NEUROG2: variants seen among roughly 807,000 people sequenced by gnomAD.
The protein encoded by NEUROG2 is neurogenin-2.
NEUROG2 carries 1 observed loss-of-function variant against 2.8 expected under a neutral mutation model. The observed-to-expected ratio is 0.36, with a 90% confidence interval of 0.13 to 1.71. The LOEUF (loss-of-function observed/expected upper bound fraction) is 1.71. Among genes scored for constraint, NEUROG2 ranks in the 40% most tolerant of loss-of-function variants. The pLI, the probability that NEUROG2 is intolerant of heterozygous loss-of-function variation, is 0.34. For missense variants in NEUROG2, 397 were observed against 392.7 expected (o/e 1.01, Z -0.09); for synonymous variants, 211 against 187.7 (o/e 1.12, Z -1.01).
At position 112,513,588 on chromosome 4, in the gene NEUROG2, A is replaced by T. The variant is rs964744025; in HGVS notation, c.*1069T>A. 1 of 152,680 alleles carries T rather than the reference A, an allele frequency of 6.5e-6. No homozygotes were observed. Among genetic ancestry groups the T allele is most frequent in the Non-Finnish European group, 1.5e-5 (1 of 68,054 alleles). The allele number at this position is 152,680 out of a possible 1,614,324, so 9.5% of individuals were successfully genotyped here. A position where few individuals can be genotyped will look rare whatever the true frequency, so the allele number is the denominator to read the frequency against. ...TTCTTGTTCTTCAAGATGTAAATAC[A>T]TACTAGAATAAACTCTGTAGAATAT... On this transcript the variant is annotated 3_prime_UTR_variant, in exon 2 of 2. Transcript: ENST00000313341.
Position 112,514,453 on chromosome 4 carries a change from T to G in NEUROG2, c.*204A>C. 2.3e-6 allele frequency: 1 copy of G among 434,878 alleles called. No homozygotes were observed. The highest frequency in any genetic ancestry group is 4.3e-5 in the Admixed American group (1 of 23,488). The allele number at this position is 434,878 out of a possible 1,614,324, so 26.9% of individuals were successfully genotyped here. Reference sequence around the variant, plus strand: ...ACAATAAGCTCCATCACACCTTCAGTAAATCAGAGCCCGTCTGAATGAAGG... The same window carrying G: ...ACAATAAGCTCCATCACACCTTCAGGAAATCAGAGCCCGTCTGAATGAAGG... On this transcript the variant is annotated 3_prime_UTR_variant, in exon 2 of 2. Transcript: ENST00000313341.
Position 112,515,416 on chromosome 4 carries a change from G to C in NEUROG2, c.60C>G (p.Leu20=), listed in dbSNP as rs773678581. ...LKEEEDVLVL[L]GSASPALAAL... ...CCGCCAAGGCGGGGGAGGCCGATCCGAGCAGCACTAACACGTCCTCTTCCT... is the reference window on the plus strand; with the variant it reads ...CCGCCAAGGCGGGGGAGGCCGATCCCAGCAGCACTAACACGTCCTCTTCCT... The change falls in exon 2 of 2, where the codon CTC becomes CTG. Residue 20 remains leucine (L), a synonymous_variant. Coordinates refer to ENST00000313341, the MANE Select transcript of NEUROG2 (RefSeq NM_024019.4). The C allele has an allele frequency of 3.9e-6, 6 of 1,528,874 alleles. No individual in the cohort carries two copies. Among genetic ancestry groups the C allele is most frequent in the Middle Eastern group, 3.4e-4 (2 of 5,910 alleles). The allele number at this position is 1,528,874 out of a possible 1,614,324, so 94.7% of individuals were successfully genotyped here.
Position 112,515,312 on chromosome 4 carries a change from C to T in NEUROG2, c.164G>A (p.Arg55His), listed in dbSNP as rs761262256. The change falls in exon 2 of 2, where the codon CGC becomes CAC. Residue 55 changes from arginine (R) to histidine (H), a missense_variant. Coordinates refer to ENST00000313341, the MANE Select transcript of NEUROG2 (RefSeq NM_024019.4). ...PGASGGARRQ[R>H]GAEAGQGARG... is the part of the protein sequence containing the mutation. ...CGCCCCCTGCCCGGCCTCAGCCCCG[C>T]GCTGCCGACGCGCCCCGCCTGACGC... 6 of 1,408,626 alleles carry T rather than the reference C, an allele frequency of 4.3e-6. 1 individual carries two copies. In the Admixed American group the frequency reaches 9.8e-5, roughly 23 times the overall value. 87.3% of individuals were successfully genotyped at this position (1,408,626 alleles called of 1,614,324 possible).
chr4:112,515,331 C>T lies in NEUROG2; in HGVS notation c.145G>A (p.Gly49Ser). The change falls in exon 2 of 2, where the codon GGC (glycine) becomes AGC (serine). Residue 49 changes from glycine to serine, a missense_variant. Gly to Ser is a moderately conservative substitution (Grantham distance 56). Transcript: ENST00000313341. The stretch of plus-strand genomic sequence containing the variant: ...GCCCCGCGCTGCCGACGCGCCCCGC[C>T]TGACGCGCCCGGCTCCTCCTCCTCT... The part of the protein sequence containing the change: ...EEEEEEPGAS[G>S]GARRQRGAEA... The T allele has an allele frequency of 6.9e-7, 1 of 1,444,938 alleles. No individual in the cohort carries two copies. The highest frequency in any genetic ancestry group is 2.8e-5 in the East Asian group (1 of 36,238). 89.5% of individuals were successfully genotyped at this position (1,444,938 alleles called of 1,614,324 possible).
Position 112,515,095 on chromosome 4 carries a change from G to C in NEUROG2, c.381C>G (p.Asn127Lys). ...ANNRERNRMH[N>K]LNAALDALRE... ...GCAGCGCGTCCAGTGCCGCGTTGAG[G>C]TTGTGCATGCGGTTTCGCTCGCGGT... is the stretch of plus-strand genomic sequence containing the variant. The change falls in exon 2 of 2, where the codon AAC (asparagine) becomes AAG (lysine). Residue 127 changes from asparagine (N) to lysine (K), a missense_variant. By Grantham distance (94) the Asn-to-Lys change is moderately conservative. Coordinates refer to ENST00000313341, the MANE Select transcript of NEUROG2 (RefSeq NM_024019.4). 1 of 1,614,010 alleles carries C rather than the reference G, an allele frequency of 6.2e-7. No homozygotes were observed. The highest frequency in any genetic ancestry group is 8.5e-7 in the Non-Finnish European group (1 of 1,179,930).
At position 112,514,263 on chromosome 4, in the gene NEUROG2, T is replaced by C. The variant is rs148405230; in HGVS notation, c.*394A>G. The C allele has an allele frequency of 2.3e-4, 45 of 199,860 alleles. 1 individual carries two copies. In the East Asian group the frequency reaches 5.3e-3, roughly 23 times the overall value. The allele number at this position is 199,860 out of a possible 1,614,324, so 12.4% of individuals were successfully genotyped here. A position where few individuals can be genotyped will look rare whatever the true frequency, so the allele number is the denominator to read the frequency against. On this transcript the variant is annotated 3_prime_UTR_variant, in exon 2 of 2. Transcript: ENST00000313341. ...GAAGAGATCACAGGAACCAGTTGCA[T>C]TCCCCCTGTGAGATTCACACGAACT...
Position 112,514,981 on chromosome 4 carries a change from G to A in NEUROG2, c.495C>T (p.Thr165=), listed in dbSNP as rs778873069. ...AGTGATCCGCCAGGCGCAGGGTCTC[G>A]GTGAGTGCCCAGATGTAGTTGTGGG... is the stretch of plus-strand genomic sequence containing the variant. ...RFAHNYIWAL[T]ETLRLADHCG... The change falls in exon 2 of 2, where the codon ACC becomes ACT. Residue 165 remains threonine (T), a synonymous_variant. Transcript: ENST00000313341. The A allele has an allele frequency of 1.6e-5, 26 of 1,613,598 alleles. No homozygotes were observed. Among genetic ancestry groups the A allele is most frequent in the Non-Finnish European group, 2.2e-5 (26 of 1,179,850 alleles).
Position 112,513,575 on chromosome 4 carries a change from A to G in NEUROG2, c.*1082T>C, listed in dbSNP as rs1736357608. The G allele has an allele frequency of 1.3e-5, 2 of 152,660 alleles. No homozygotes were observed. Among genetic ancestry groups the G allele is most frequent in the African/African-American group, 4.8e-5 (2 of 41,470 alleles). 9.5% of individuals were successfully genotyped at this position (152,660 alleles called of 1,614,324 possible). On this transcript the variant is annotated 3_prime_UTR_variant, in exon 2 of 2. Transcript: ENST00000313341. Reference sequence around the variant, plus strand: ...CACAAGAACAACTTTCTTGTTCTTCAAGATGTAAATACATACTAGAATAAA... The same window carrying G: ...CACAAGAACAACTTTCTTGTTCTTCGAGATGTAAATACATACTAGAATAAA...
Position 112,514,874 on chromosome 4 carries a change from A to G in NEUROG2, c.602T>C (p.Leu201Pro), listed in dbSNP as rs750994410. ...CGAGGGGCTGTCTCCGCTGCTGCTC[A>G]GGGCGGCGCTGGCTCCTCCCGGGCT... Reference protein sequence around the residue: ...LLSPGGASAALSSSGDSPSPA... With the variant: ...LLSPGGASAAPSSSGDSPSPA... Residue 201 changes from leucine to proline, a missense_variant, in exon 2 of 2, where the codon CTG becomes CCG. Leu to Pro is a moderately conservative substitution (Grantham distance 98). Transcript: ENST00000313341. The G allele has an allele frequency of 3.3e-5, 53 of 1,600,632 alleles. 1 individual carries two copies. In the East Asian group the frequency reaches 1.2e-3, roughly 35 times the overall value.
rs771856284 is a variant in NEUROG2 at position 112,514,910 on chromosome 4, G to A, written c.566C>T (p.Ala189Val). ...GGLPGALFSE[A>V]VLLSPGGASA... ...GGCTCCTCCCGGGCTCAGCAACACT[G>A]CCTCGGAGAAGAGCGCCCCCGGCAG... is the stretch of plus-strand genomic sequence containing the variant. Residue 189 changes from alanine (A) to valine (V), a missense_variant, in exon 2 of 2, where the codon GCA (alanine) becomes GTA (valine). Ala to Val is a moderately conservative substitution (Grantham distance 64). Coordinates refer to ENST00000313341, the MANE Select transcript of NEUROG2 (RefSeq NM_024019.4). 2.5e-6 allele frequency: 4 copies of A among 1,605,746 alleles called. No individual in the cohort carries two copies. The highest frequency in any genetic ancestry group is 3.4e-6 in the Non-Finnish European group (4 of 1,177,352).
chr4:112,514,489 C>T lies in NEUROG2; in HGVS notation c.*168G>A. 2.0e-6 allele frequency: 1 copy of T among 491,996 alleles called. No homozygotes were observed. Among genetic ancestry groups the T allele is most frequent in the South Asian group, 6.9e-5 (1 of 14,526 alleles). The allele number at this position is 491,996 out of a possible 1,614,324, so 30.5% of individuals were successfully genotyped here. A position where few individuals can be genotyped will look rare whatever the true frequency, so the allele number is the denominator to read the frequency against. On this transcript the variant is annotated 3_prime_UTR_variant, in exon 2 of 2. Transcript: ENST00000313341. ...CCGTCTGAATGAAGGATACCCAAAG[C>T]CAAGAAATGCAAGAAACAACCGAGG...
In NEUROG2 at chr4:112,514,361, A is replaced by C; in HGVS notation, c.*296T>G. On this transcript the variant is annotated 3_prime_UTR_variant, in exon 2 of 2. Transcript: ENST00000313341. ...GCTCTGCAAACTCTTTAGATATGCC[A>C]CCATCATCTCTTCCCAGGGTCTTTT... 1 of 343,780 alleles carries C rather than the reference A, an allele frequency of 2.9e-6. No individual in the cohort carries two copies. The highest frequency in any genetic ancestry group is 5.2e-6 in the Non-Finnish European group (1 of 192,310). The allele number at this position is 343,780 out of a possible 1,614,324, so 21.3% of individuals were successfully genotyped here.
rs746349494 is a variant in NEUROG2, at chr4:112,514,787, G to T, written c.689C>A (p.Ser230Tyr). Residue 230 changes from serine (S) to tyrosine (Y), a missense_variant, in exon 2 of 2, where the codon TCC becomes TAC. By Grantham distance (144) the Ser-to-Tyr change is moderately radical. Coordinates refer to ENST00000313341, the MANE Select transcript of NEUROG2 (RefSeq NM_024019.4). ...TAAAGTGCAGCTGTAGGGGGAGGTG[G>T]AATTGGAGGACACGGAGGAGGACGG... Reference protein sequence around the residue: ...PAPSSSVSSNSTSPYSCTLSP... With the variant: ...PAPSSSVSSNYTSPYSCTLSP... 2.6e-6 allele frequency: 4 copies of T among 1,553,474 alleles called. No homozygotes were observed. In the African/African-American group the frequency reaches 4.1e-5, roughly 16 times the overall value.
rs748691435 is a variant in NEUROG2 at position 112,515,511 on chromosome 4, G to T, written c.-1-35C>A. ...AGAGAAAGGGGAAAAAGGCAGTGAG[G>T]TGTAAGGAAAGAAACAGAGGCGCGA... On this transcript the variant is annotated intron_variant, in intron 1 of 1. Transcript: ENST00000313341. 8.7e-6 allele frequency: 13 copies of T among 1,487,074 alleles called. No homozygotes were observed. The East Asian group carries it at 3.0e-4, about 34-fold the overall frequency. 92.1% of individuals were successfully genotyped at this position (1,487,074 alleles called of 1,614,324 possible). A position where few individuals can be genotyped will look rare whatever the true frequency, so the allele number is the denominator to read the frequency against.
chr4:112,514,979 T>G lies in NEUROG2; in HGVS notation c.497A>C (p.Glu166Ala). ...FAHNYIWALT[E>A]TLRLADHCGG... ...GCAGTGATCCGCCAGGCGCAGGGTC[T>G]CGGTGAGTGCCCAGATGTAGTTGTG... The change falls in exon 2 of 2, where the codon GAG (glutamate) becomes GCG (alanine). Residue 166 changes from glutamate (E) to alanine (A), a missense_variant. Glu to Ala is a moderately radical substitution (Grantham distance 107). Coordinates refer to ENST00000313341, the MANE Select transcript of NEUROG2 (RefSeq NM_024019.4). The G allele has an allele frequency of 6.2e-7, 1 of 1,613,358 alleles. No individual in the cohort carries two copies. Among genetic ancestry groups the G allele is most frequent in the Non-Finnish European group, 8.5e-7 (1 of 1,179,792 alleles).
rs760516698 is a variant in NEUROG2, at chr4:112,515,428, C to G, written c.48G>C (p.Val16=). ...ETLELKEEED[V]LVLLGSASPA... ...GGGAGGCCGATCCGAGCAGCACTAA[C>G]ACGTCCTCTTCCTCCTTCAACTCCA... is the stretch of plus-strand genomic sequence containing the variant. Residue 16 remains valine (V), a synonymous_variant, in exon 2 of 2, where the codon GTG becomes GTC. Coordinates refer to ENST00000313341, the MANE Select transcript of NEUROG2 (RefSeq NM_024019.4). 2.0e-6 allele frequency: 3 copies of G among 1,530,006 alleles called. No homozygotes were observed. The highest frequency in any genetic ancestry group is 2.6e-6 in the Non-Finnish European group (3 of 1,151,664). 94.8% of individuals were successfully genotyped at this position (1,530,006 alleles called of 1,614,324 possible). A position where few individuals can be genotyped will look rare whatever the true frequency, so the allele number is the denominator to read the frequency against.
In NEUROG2 at chr4:112,515,153, C is replaced by A. The variant is rs750080689; in HGVS notation, c.323G>T (p.Arg108Leu). ...RGAKTAETVQRIKKTRRLKAN... is the reference protein window; with the variant it reads ...RGAKTAETVQLIKKTRRLKAN... The stretch of plus-strand genomic sequence containing the variant: ...CTTCAGTCTACGGGTCTTCTTGATG[C>A]GCTGCACCGTCTCGGCCGTCTTGGC... The change falls in exon 2 of 2, where the codon CGC (arginine) becomes CTC (leucine). Residue 108 changes from arginine (R) to leucine (L), a missense_variant. Coordinates refer to ENST00000313341, the MANE Select transcript of NEUROG2 (RefSeq NM_024019.4). 1 of 1,613,592 alleles carries A rather than the reference C, an allele frequency of 6.2e-7. No individual in the cohort carries two copies. Among genetic ancestry groups the A allele is most frequent in the Non-Finnish European group, 8.5e-7 (1 of 1,179,870 alleles).
Position 112,514,957 on chromosome 4 carries a change from G to T in NEUROG2, c.519C>A (p.His173Gln). The T allele has an allele frequency of 6.2e-7, 1 of 1,612,990 alleles. No individual in the cohort carries two copies. Among genetic ancestry groups the T allele is most frequent in the Non-Finnish European group, 8.5e-7 (1 of 1,179,680 alleles). Residue 173 changes from histidine to glutamine, a missense_variant, in exon 2 of 2, where the codon CAC becomes CAA. Transcript: ENST00000313341. The stretch of plus-strand genomic sequence containing the variant: ...GCAGGCCCCCGCCGCCGCCCCCGCA[G>T]TGATCCGCCAGGCGCAGGGTCTCGG... The part of the protein sequence containing the change: ...ALTETLRLAD[H>Q]CGGGGGGLPG...
Position 112,515,107 on chromosome 4 carries a change from G to T in NEUROG2, c.369C>A (p.Asn123Lys). The T allele has an allele frequency of 6.2e-7, 1 of 1,613,990 alleles. No homozygotes were observed. The highest frequency in any genetic ancestry group is 8.5e-7 in the Non-Finnish European group (1 of 1,179,922). ...RRLKANNRER[N>K]RMHNLNAALD... is the part of the protein sequence containing the mutation. ...GTGCCGCGTTGAGGTTGTGCATGCG[G>T]TTTCGCTCGCGGTTGTTGGCCTTCA... Residue 123 changes from asparagine (N) to lysine (K), a missense_variant, in exon 2 of 2, where the codon AAC becomes AAA. Physicochemically the swap from Asn to Lys is moderately conservative, Grantham distance 94 (BLOSUM62 0). Coordinates refer to ENST00000313341, the MANE Select transcript of NEUROG2 (RefSeq NM_024019.4).
Sources: gnomAD v4.1 joint callset for allele counts on GRCh38, gnomAD v4.1.1 for gene constraint, MANE v1.5 for transcripts, NCBI Gene and HGNC (gene_info 2026-07-23, HGNC 2026-07-21) for gene names.